The following RAI14 variants were observed in gnomAD, a reference collection of about 807,000 sequenced individuals.
RAI14 encodes retinoic acid induced 14, also known as ankycorbin.
A neutral mutation model predicts 115.4 loss-of-function variants in RAI14; 45 were observed. That is an observed-to-expected ratio of 0.39 (90% confidence interval 0.31 to 0.50). RAI14 has a LOEUF of 0.50. Among genes scored for constraint, RAI14 ranks in the 20% least tolerant of loss-of-function variants. The probability of loss-of-function intolerance (pLI) is 0.85; values close to 1 mark genes in which losing one functional copy is unlikely to be tolerated. For missense variants in RAI14, 939 were observed against 1,131.2 expected (o/e 0.83, Z 2.44); for synonymous variants, 371 against 415.4 (o/e 0.89, Z 1.30).
intron 2 of RAI14, among the ~76,000 whole-genome samples, chr5:34,715,167 G>A (rs1315293513): frequency 6.6e-6 from 1 of 152,186 alleles, no homozygotes; most frequent in Non-Finnish European, 1.5e-5. Flanking sequence ...ACCTTTATGG[G>A]CTTCATTCAC....
chr5:34,739,010 C>G (rs898107821), intron 2 of RAI14, among the ~76,000 whole-genome samples: 4 of 152,138 alleles, frequency 2.6e-5, no homozygotes, highest in Admixed American at 6.5e-5. Context: ...CTCATCTGTG[C>G]TGTAGACAGT....
At position 34,753,912 on chromosome 5, in the gene RAI14, C is replaced by CAAA. The variant is rs34458773; in HGVS notation, c.37-3539_37-3537dup. On this transcript the variant is annotated intron_variant, in intron 2 of 17. Coordinates refer to ENST00000265109, the MANE Select transcript of RAI14 (RefSeq NM_015577.3). ...CTGGTGACAGAGCGAGACTCTATCT[C>CAAA]AAAAAAAAAAAAAAAAAAATTAGCC... Among the ~76,000 whole-genome samples, 239 of 117,224 alleles carry CAAA rather than the reference C, an allele frequency of 2.0e-3. 1 individual carries two copies. The highest frequency in any genetic ancestry group is 0.015 in the Middle Eastern group (3 of 194). 76.9% of individuals were successfully genotyped at this position (117,224 alleles called of 152,430 possible).
At chr5:34,773,801 G>A (rs912039881) in intron 3 of RAI14, among the ~76,000 whole-genome samples, 27 of 152,214 alleles carry the variant, frequency 1.8e-4, no homozygotes, top group African/African-American at 6.3e-4. Flanking sequence ...CACTGTTGGT[G>A]GGAATGTAAA....
chr5:34,810,428 G>A (rs1368370485), intron 7 of RAI14, among the ~76,000 whole-genome samples: 4 of 152,102 alleles, frequency 2.6e-5, no homozygotes, highest in African/African-American at 9.7e-5. Flanking sequence ...TCCCAAAGGG[G>A]TTGCAATTGT....
chr5:34,773,828 G>A lies in RAI14; in HGVS notation c.167+16230G>A, dbSNP rs554136226. Reference sequence around the variant, plus strand: ...GAATGTAAATTGGTTAAACTACTGTGAAAAATAAAATGGAGCTTCCTCAAA... The same window carrying A: ...GAATGTAAATTGGTTAAACTACTGTAAAAAATAAAATGGAGCTTCCTCAAA... On this transcript the variant is annotated intron_variant, in intron 3 of 17. Transcript: ENST00000265109. Among the ~76,000 whole-genome samples, 4 of 152,118 alleles carry A rather than the reference G, an allele frequency of 2.6e-5. No individual in the cohort carries two copies. In the South Asian group the frequency reaches 8.3e-4, roughly 32 times the overall value.
intron 1 of RAI14, chr5:34,686,405 A>G (rs1187301408): frequency 6.6e-6 from 1 of 152,204 alleles, no homozygotes; most frequent in East Asian, 1.9e-4. Context: ...CGTTTCAGTT[A>G]AGAGGAATAG....
chr5:34,734,885 T>C (rs949930900), intron 2 of RAI14, among the ~76,000 whole-genome samples: 6 of 152,072 alleles, frequency 3.9e-5, no homozygotes, highest in Non-Finnish European at 5.9e-5. Context: ...GGTCTCGAAC[T>C]CCTGACCTTA....
chr5:34,732,046 GC>G (rs1744249581), intron 2 of RAI14, among the ~76,000 whole-genome samples: 1 of 152,208 alleles, frequency 6.6e-6, no homozygotes, highest in African/African-American at 2.4e-5. Context: ...ATGACCACAG[GC>G]CCTGGAAATG....
intron 2 of RAI14, among the ~76,000 whole-genome samples, chr5:34,725,362 A>AT (rs1206859427): frequency 2.0e-5 from 3 of 152,058 alleles, no homozygotes; most frequent in Non-Finnish European, 4.4e-5. Flanking sequence ...AAAGAATTGA[A>AT]TTTTCATTCT....
chr5:34,702,692 G>A (rs1390021524), intron 2 of RAI14, among the ~76,000 whole-genome samples: 1 of 152,162 alleles, frequency 6.6e-6, no homozygotes, highest in Non-Finnish European at 1.5e-5. Flanking sequence ...CTTAAGGAAA[G>A]CTATGGCAAG....
chr5:34,758,277 A>G (rs1748160796), intron 3 of RAI14, among the ~76,000 whole-genome samples: 1 of 152,254 alleles, frequency 6.6e-6, no homozygotes, highest in South Asian at 2.1e-4. Flanking sequence ...AGTTATGAGT[A>G]TAAAATGAAA....
intron 3 of RAI14, among the ~76,000 whole-genome samples, chr5:34,764,543 C>T (rs199718049): frequency 0.2 from 17,030 of 83,812 alleles, 968 homozygotes; most frequent in African/African-American, 0.41. Context: ...AATTTTCTCT[C>T]TCTCTCTCTC....
At chr5:34,750,848 A>ATTTT (rs869028180) in intron 2 of RAI14, among the ~76,000 whole-genome samples, 6,491 of 83,298 alleles carry the variant, frequency 0.078, 501 homozygotes, top group African/African-American at 0.087. Flanking sequence ...TTGCTTTATC[A>ATTTT]TTTTTTTTTT....
At position 34,824,149 on chromosome 5, in the gene RAI14, G is replaced by GA; in HGVS notation, c.2310dup (p.Gln771ThrfsTer11). ...AGGAAGTGGAAGTAGCAAAGCTGGA[G>GA]AAACAACTCTTAGAAGAGAAAGCTG... On this transcript the variant is annotated frameshift_variant, in exon 15 of 18. Coordinates refer to ENST00000265109, the MANE Select transcript of RAI14 (RefSeq NM_015577.3). LOFTEE classifies it high-confidence loss of function. The GA allele has an allele frequency of 1.2e-6, 2 of 1,613,986 alleles. No individual in the cohort carries two copies. Among genetic ancestry groups the GA allele is most frequent in the Admixed American group, 1.7e-5 (1 of 59,994 alleles).
intron 1 of RAI14, among the ~76,000 whole-genome samples, chr5:34,668,196 C>T (rs1271792188): frequency 3.3e-5 from 5 of 152,104 alleles, no homozygotes; most frequent in African/African-American, 7.2e-5. Context: ...GAGTTCAAGA[C>T]GAGCCTGGCC....
chr5:34,799,519 C>G (rs994680431), intron 4 of RAI14, among the ~76,000 whole-genome samples: 1 of 111,468 alleles, frequency 9.0e-6, no homozygotes, highest in Non-Finnish European at 2.1e-5. Context: ...CACACACACA[C>G]ACACACACAC....
At position 34,808,530 on chromosome 5, in the gene RAI14, T is replaced by C. The variant is rs376644111; in HGVS notation, c.380-54T>C. On this transcript the variant is annotated intron_variant, in intron 6 of 17. Coordinates refer to ENST00000265109, the MANE Select transcript of RAI14 (RefSeq NM_015577.3). ...TCCTTCCTGAAGTATCTGATACCCC[T>C]GGTTGTGAATAACTGTGTGATTGGC... 3.0e-5 allele frequency: 45 copies of C among 1,504,000 alleles called. No individual in the cohort carries two copies. In the African/African-American group the frequency reaches 6.1e-4, roughly 20 times the overall value. 93.2% of individuals were successfully genotyped at this position (1,504,000 alleles called of 1,614,324 possible).
chr5:34,692,893 G>T (rs1378633906), intron 2 of RAI14, among the ~76,000 whole-genome samples: 1 of 152,194 alleles, frequency 6.6e-6, no homozygotes, highest in African/African-American at 2.4e-5. Context: ...AGAAGCCCAA[G>T]ATCCAGGTAC....
intron 4 of RAI14, among the ~76,000 whole-genome samples, chr5:34,796,622 T>G (rs1304789864): frequency 1.3e-5 from 2 of 152,150 alleles, no homozygotes; most frequent in African/African-American, 4.8e-5. Flanking sequence ...AGTCCCTAAT[T>G]TTTGTTTTTA....
Sources: allele counts gnomAD v4.1 joint callset (sites outside exome capture counted in the v4.1 genomes callset), GRCh38; gene constraint gnomAD v4.1.1; transcripts MANE v1.5; gene names NCBI Gene and HGNC (gene_info 2026-07-23, HGNC 2026-07-21).